LIN28B: variants seen among roughly 807,000 people sequenced by gnomAD.
The protein encoded by LIN28B is protein lin-28 homolog B.
LIN28B carries 5 observed loss-of-function variants against 21.9 expected under a neutral mutation model. The observed-to-expected ratio is 0.23, with a 90% CI of 0.12 to 0.48. The LOEUF (loss-of-function observed/expected upper bound fraction) is 0.48. LIN28B is among the 20% of genes least tolerant of loss of function. The pLI, the probability that LIN28B is intolerant of heterozygous loss-of-function variation, is 0.98. For missense variants in LIN28B, 245 were observed against 310.5 expected (o/e 0.79, Z 1.58); for synonymous variants, 109 against 111.3 (o/e 0.98, Z 0.13).
intron 3 of LIN28B, among the ~76,000 whole-genome samples, chr6:105,058,414 G>T (rs1161216761): frequency 3.3e-5 from 5 of 152,188 alleles, no homozygotes; most frequent in Non-Finnish European, 7.3e-5. Context: ...TCTCCTGTTA[G>T]ACTCCTAATT....
chr6:105,064,456 G>A (rs1187110897), intron 3 of LIN28B, among the ~76,000 whole-genome samples: 1 of 152,128 alleles, frequency 6.6e-6, no homozygotes, highest in African/African-American at 2.4e-5. Flanking sequence ...GTCATGGAAA[G>A]AGCTATAAAA....
intron 3 of LIN28B, among the ~76,000 whole-genome samples, chr6:104,951,642 A>G (rs1431116278): frequency 1.3e-5 from 2 of 152,170 alleles, no homozygotes; most frequent in African/African-American, 4.8e-5. Context: ...AGTGACTGCA[A>G]TAAAGTTTCA....
intron 3 of LIN28B, among the ~76,000 whole-genome samples, chr6:105,026,959 G>T (rs932846963): frequency 1.3e-5 from 2 of 152,010 alleles, no homozygotes; most frequent in African/African-American, 4.8e-5. Flanking sequence ...TTTGAAACTT[G>T]TAATTTTTTT....
intron 3 of LIN28B, among the ~76,000 whole-genome samples, chr6:105,061,285 C>T (rs1772116782): frequency 1.3e-5 from 2 of 152,088 alleles, no homozygotes; most frequent in Non-Finnish European, 2.9e-5. Context: ...TGCATGGCAT[C>T]TGCAACAAAG....
At chr6:105,047,099 A>T (rs1162546604) in intron 3 of LIN28B, among the ~76,000 whole-genome samples, 4 of 152,150 alleles carry the variant, frequency 2.6e-5, no homozygotes, top group Non-Finnish European at 5.9e-5. Flanking sequence ...GCCCATGCCT[A>T]TGTCCTGAAT....
rs1407451 is a variant in LIN28B, at chr6:104,950,531, T to A, written c.67+22T>A. ...CCAGGTTAGTCTTTTTTTTTTTTTT[T>A]AAATATTTTGTTTAATTAATGTTTT... On this transcript the variant is annotated intron_variant, in intron 3 of 5. Coordinates refer to the LIN28B transcript ENST00000635857. 7.9e-3 allele frequency: 8,817 copies of A among 1,113,410 alleles called. 38 individuals are homozygous for A. The highest frequency in any genetic ancestry group is 8.9e-3 in the Non-Finnish European group (7,892 of 882,098). The allele number at this position is 1,113,410 out of a possible 1,614,324, so 69.0% of individuals were successfully genotyped here.
chr6:105,029,481 A>G (rs923895313), intron 3 of LIN28B, among the ~76,000 whole-genome samples: 1 of 152,114 alleles, frequency 6.6e-6, no homozygotes, highest in Non-Finnish European at 1.5e-5. Flanking sequence ...CAGGTGGTAG[A>G]TAGATATGAA....
chr6:104,971,050 G>T (rs1300925315), intron 2 of LIN28B, among the ~76,000 whole-genome samples: 1 of 151,980 alleles, frequency 6.6e-6, no homozygotes, highest in Non-Finnish European at 1.5e-5. Flanking sequence ...TAAGCTACTT[G>T]TATTCAAATG....
intron 2 of LIN28B, among the ~76,000 whole-genome samples, chr6:104,958,819 A>G (rs1769645958): frequency 6.6e-6 from 1 of 152,228 alleles, no homozygotes; most frequent in Admixed American, 6.5e-5. Context: ...AGTAAAATAA[A>G]ATAGAACACT....
intron 2 of LIN28B, among the ~76,000 whole-genome samples, chr6:105,014,416 T>G (rs1342278207): frequency 2.0e-5 from 3 of 152,086 alleles, no homozygotes; most frequent in Non-Finnish European, 4.4e-5. Context: ...GTTTCCCGGG[T>G]TCAAGCAATT....
chr6:105,003,946 A>C (rs1427003749), intron 2 of LIN28B, among the ~76,000 whole-genome samples: 1 of 152,212 alleles, frequency 6.6e-6, no homozygotes, highest in Admixed American at 6.5e-5. Flanking sequence ...AGATATATAA[A>C]GGGGAGTTTA....
At chr6:105,001,497 C>T (rs1770719962) in intron 2 of LIN28B, among the ~76,000 whole-genome samples, 1 of 152,140 alleles carries the variant, frequency 6.6e-6, no homozygotes, top group African/African-American at 2.4e-5. Flanking sequence ...CTAATAATCG[C>T]TATTTATATG....
chr6:104,995,344 ATTACAT>A (rs1245566239), intron 2 of LIN28B, among the ~76,000 whole-genome samples: 1 of 152,228 alleles, frequency 6.6e-6, no homozygotes. Flanking sequence ...CGAGTGACTT[ATTACAT>A]TTCTAGCTTG....
At chr6:104,972,356 TA>T (rs942269733) in intron 2 of LIN28B, among the ~76,000 whole-genome samples, 2 of 151,298 alleles carry the variant, frequency 1.3e-5, no homozygotes, top group African/African-American at 2.4e-5. Context: ...ACCCAGGCTT[TA>T]AAAAAAAATA....
intron 2 of LIN28B, among the ~76,000 whole-genome samples, chr6:105,003,358 G>T (rs1019231187): frequency 6.6e-6 from 1 of 152,182 alleles, no homozygotes; most frequent in African/African-American, 2.4e-5. Context: ...TATTCAAGGA[G>T]TCATAAGATG....
chr6:104,996,586 T>A (rs761250042), intron 2 of LIN28B, among the ~76,000 whole-genome samples: 3 of 152,186 alleles, frequency 2.0e-5, no homozygotes, highest in Non-Finnish European at 4.4e-5. Context: ...CTAGTAAGTC[T>A]GTATTGGGAA....
At chr6:104,992,484 T>TG (rs1770508091) in intron 2 of LIN28B, among the ~76,000 whole-genome samples, 1 of 135,936 alleles carries the variant, frequency 7.4e-6, no homozygotes, top group Non-Finnish European at 1.6e-5. Flanking sequence ...TAAGTTTCTG[T>TG]TGTGTGTGTG....
chr6:105,034,768 T>C (rs1771493177), intron 3 of LIN28B, among the ~76,000 whole-genome samples: 1 of 152,130 alleles, frequency 6.6e-6, no homozygotes, highest in Non-Finnish European at 1.5e-5. Flanking sequence ...ATAGTAAAGT[T>C]ATTTTTGTAG....
intron 3 of LIN28B, among the ~76,000 whole-genome samples, chr6:105,069,844 A>G (rs1459481387): frequency 6.6e-6 from 1 of 152,202 alleles, no homozygotes; most frequent in Non-Finnish European, 1.5e-5. Context: ...GGGATCAGTG[A>G]TGGTAAAAGG....
Sources: gnomAD v4.1 joint callset for allele counts (sites outside exome capture counted in the v4.1 genomes callset) on GRCh38, gnomAD v4.1.1 for gene constraint, MANE v1.5 for transcripts, NCBI Gene and HGNC (gene_info 2026-07-23, HGNC 2026-07-21) for gene names.